Variants in SHOC1 observed in about 807,000 individuals in gnomAD.
The protein encoded by SHOC1 is shortage in chiasmata 1.
A neutral mutation model predicts 179.2 loss-of-function variants in SHOC1; 136 were observed. The observed-to-expected ratio is 0.76, with a 90% CI of 0.66 to 0.87. SHOC1 has a LOEUF of 0.87. Ranked by LOEUF, SHOC1 falls within the 40% of genes least tolerant of loss-of-function variation. The probability of loss-of-function intolerance (pLI) is 0.00; values close to 1 mark genes in which losing one functional copy is unlikely to be tolerated. For missense variants in SHOC1, 1,538 were observed against 1,700.8 expected (o/e 0.90, Z 1.68); for synonymous variants, 489 against 586.6 (o/e 0.83, Z 2.41).
chr9:111,705,726 T>G (rs1832243206), intron 20 of SHOC1, among the ~76,000 whole-genome samples: 1 of 152,108 alleles, frequency 6.6e-6, no homozygotes, highest in Non-Finnish European at 1.5e-5. Flanking sequence ...TTTATTCACT[T>G]AAGTATATAT....
chr9:111,793,784 G>A (rs1369790819), intron 1 of SHOC1, among the ~76,000 whole-genome samples: 1 of 151,762 alleles, frequency 6.6e-6, no homozygotes, highest in Non-Finnish European at 1.5e-5. Flanking sequence ...ACACGATAAT[G>A]AGGTCAGGCA....
intron 5 of SHOC1, among the ~76,000 whole-genome samples, chr9:111,762,947 T>C (rs540798488): frequency 4.6e-5 from 7 of 152,086 alleles, no homozygotes; most frequent in African/African-American, 1.7e-4. Context: ...CTAGAATTAG[T>C]TATTGGAATT....
chr9:111,740,275 G>T (rs946043716), intron 11 of SHOC1, among the ~76,000 whole-genome samples: 8 of 152,008 alleles, frequency 5.3e-5, no homozygotes, highest in Middle Eastern at 3.2e-3. Context: ...ACTACATGTC[G>T]ACCTCAAAAC....
intron 23 of SHOC1, among the ~76,000 whole-genome samples, chr9:111,700,624 G>C (rs1831925909): frequency 6.6e-6 from 1 of 152,104 alleles, no homozygotes; most frequent in Admixed American, 6.6e-5. Context: ...GCCATTGTTG[G>C]ATTCTGGGAC....
At chr9:111,791,571 G>A in intron 1 of SHOC1, 117 bp from the exon 2 acceptor site, 12 of 401,950 alleles carry the variant, frequency 3.0e-5, no homozygotes, top group South Asian at 1.6e-4. Flanking sequence ...GATAATCATT[G>A]GTAAAAATAA....
At chr9:111,695,773 A>G (rs1210252356) in intron 24 of SHOC1, among the ~76,000 whole-genome samples, 1 of 152,188 alleles carries the variant, frequency 6.6e-6, no homozygotes, top group Non-Finnish European at 1.5e-5. Flanking sequence ...CTAGGATTTG[A>G]CATTTTCAGG....
intron 4 of SHOC1, among the ~76,000 whole-genome samples, chr9:111,776,323 A>G (rs1436737949): frequency 6.6e-6 from 1 of 152,254 alleles, no homozygotes. Flanking sequence ...CCAATTCTCT[A>G]TTGTTGGAAA....
intron 2 of SHOC1, among the ~76,000 whole-genome samples, chr9:111,788,146 A>G (rs1224190283): frequency 7.3e-6 from 1 of 137,710 alleles, no homozygotes; most frequent in Non-Finnish European, 1.5e-5. Flanking sequence ...GGCTCACTGC[A>G]ACCTCAGCCT....
At chr9:111,687,760 TTTTTTTC>T in intron 27 of SHOC1, among the ~76,000 whole-genome samples, 1 of 152,220 alleles carries the variant, frequency 6.6e-6, no homozygotes, top group African/African-American at 2.4e-5. Flanking sequence ...TTCTTCTTTT[TTTTTTTC>T]TTTTTTCTTT....
At chr9:111,732,211 G>A (rs1833605510) in intron 12 of SHOC1, among the ~76,000 whole-genome samples, 1 of 152,156 alleles carries the variant, frequency 6.6e-6, no homozygotes. Flanking sequence ...GTGCAATGAT[G>A]AAATTACTTT....
chr9:111,689,674 G>C (rs950600145), intron 27 of SHOC1, among the ~76,000 whole-genome samples: 1 of 151,834 alleles, frequency 6.6e-6, no homozygotes, highest in African/African-American at 2.4e-5. Context: ...CATGTGAACT[G>C]TTTGAATAAA....
At position 111,705,287 on chromosome 9, in the gene SHOC1, G is replaced by A; in HGVS notation, c.2815C>T (p.Leu939Phe). The A allele has an allele frequency of 1.9e-6, 3 of 1,586,788 alleles. No individual in the cohort carries two copies. The highest frequency in any genetic ancestry group is 2.6e-6 in the Non-Finnish European group (3 of 1,166,700). The change falls in exon 21 of 28, where the codon CTT becomes TTT. Residue 939 changes from leucine (L) to phenylalanine (F), a missense_variant. By Grantham distance (22) the Leu-to-Phe change is conservative (BLOSUM62 0). Coordinates refer to ENST00000682961, the MANE Select transcript of SHOC1 (RefSeq NM_001378211.1). ...TGAAGTATGTCTGGAGTATTAAGAA[G>A]TCCTTCAGATGCAAAAAACACATAT... is the stretch of plus-strand genomic sequence containing the variant. ...IPYVFFASEG[L>F]LNTPDILQLL...
chr9:111,718,431 A>G (rs1320005302), intron 15 of SHOC1, 143 bp from the exon 16 acceptor site: 2 of 456,706 alleles, frequency 4.4e-6, no homozygotes, highest in African/African-American at 4.1e-5. Flanking sequence ...TGGCTATTTC[A>G]TTGAATCTAT....
intron 5 of SHOC1, among the ~76,000 whole-genome samples, chr9:111,771,152 T>A (rs1328858796): frequency 6.6e-6 from 1 of 152,180 alleles, no homozygotes; most frequent in Non-Finnish European, 1.5e-5. Context: ...TGTTGTTTTT[T>A]ATTTTTAGTG....
intron 27 of SHOC1, among the ~76,000 whole-genome samples, chr9:111,690,260 C>G (rs569438016): frequency 3.9e-5 from 6 of 152,132 alleles, no homozygotes; most frequent in Non-Finnish European, 8.8e-5. Context: ...CCTGTCTCTA[C>G]TAAAAATAGA....
chr9:111,785,848 T>C (rs1053881061), intron 3 of SHOC1, 64 bp downstream of exon 3: 3 of 1,303,352 alleles, frequency 2.3e-6, no homozygotes, highest in Admixed American at 7.8e-5. Context: ...TTCTTAATAA[T>C]TTGCTGTGCT....
rs1053053016 is a variant in SHOC1 at position 111,723,817 on chromosome 9, A to C, written c.1929T>G (p.Asp643Glu). The C allele has an allele frequency of 6.2e-6, 10 of 1,612,344 alleles. No individual in the cohort carries two copies. The highest frequency in any genetic ancestry group is 8.5e-6 in the Non-Finnish European group (10 of 1,179,376). Reference sequence around the variant, plus strand: ...CTGACGCTTGAATTTCAATGACACTATCTGTTCCCCTTTCCTGATTTATTT... The same window carrying C: ...CTGACGCTTGAATTTCAATGACACTCTCTGTTCCCCTTTCCTGATTTATTT... Reference protein sequence around the residue: ...LEEINQERGTDSVIEIQASDS... With the variant: ...LEEINQERGTESVIEIQASDS... Residue 643 changes from aspartate to glutamate, a missense_variant, in exon 14 of 28, where the codon GAT becomes GAG. Asp to Glu is a conservative substitution (Grantham distance 45, BLOSUM62 2). Coordinates refer to ENST00000682961, the MANE Select transcript of SHOC1 (RefSeq NM_001378211.1).
At chr9:111,755,755 G>A (rs1834824357) in intron 8 of SHOC1, among the ~76,000 whole-genome samples, 1 of 152,124 alleles carries the variant, frequency 6.6e-6, no homozygotes, top group Non-Finnish European at 1.5e-5. Context: ...ATAGTCATAG[G>A]TGTTTTAGTT....
At chr9:111,774,483 G>A (rs1173598949) in intron 5 of SHOC1, among the ~76,000 whole-genome samples, 2 of 151,998 alleles carry the variant, frequency 1.3e-5, no homozygotes, top group Non-Finnish European at 2.9e-5. Flanking sequence ...ATCTTTTTGT[G>A]GAGACAGGGT....
Sources: gnomAD v4.1 joint callset for allele counts (sites outside exome capture counted in the v4.1 genomes callset) on GRCh38, gnomAD v4.1.1 for gene constraint, MANE v1.5 for transcripts, NCBI Gene and HGNC (gene_info 2026-07-23, HGNC 2026-07-21) for gene names.